The following ARHGAP26 variants were observed in gnomAD, a reference collection of about 807,000 sequenced individuals.
ARHGAP26 encodes the protein Rho GTPase activating protein 26.
In ARHGAP26, 38 loss-of-function variants were observed where a neutral mutation model predicts 104.8. The observed-to-expected ratio is 0.36, with a 90% CI of 0.28 to 0.48. The LOEUF (loss-of-function observed/expected upper bound fraction) is 0.48, where lower values mean the gene tolerates loss of function less well. ARHGAP26 is among the 20% of genes least tolerant of loss of function. The pLI is 0.99. For missense variants in ARHGAP26, 704 were observed against 947.9 expected (o/e 0.74, Z 3.38); for synonymous variants, 341 against 340.0 (o/e 1.00, Z -0.03).
intron 1 of ARHGAP26, among the ~76,000 whole-genome samples, chr5:142,807,726 C>T (rs1763253224): frequency 6.6e-6 from 1 of 152,150 alleles, no homozygotes; most frequent in South Asian, 2.1e-4. Context: ...GATGTGAGTG[C>T]CTGCCCTGGT....
chr5:143,183,126 C>A (rs1475632635), intron 20 of ARHGAP26, among the ~76,000 whole-genome samples: 1 of 150,088 alleles, frequency 6.7e-6, no homozygotes, highest in East Asian at 2.0e-4. Flanking sequence ...CTAGATAAGG[C>A]CTGTAGGGGA....
At chr5:143,187,048 A>T (rs150639553) in intron 20 of ARHGAP26, among the ~76,000 whole-genome samples, 26 of 152,334 alleles carry the variant, frequency 1.7e-4, no homozygotes, top group Non-Finnish European at 3.1e-4. Context: ...AGTAAACACT[A>T]TATGCCAGGC....
chr5:143,144,608 G>A (rs1798944513), intron 19 of ARHGAP26, among the ~76,000 whole-genome samples: 1 of 152,080 alleles, frequency 6.6e-6, no homozygotes, highest in Non-Finnish European at 1.5e-5. Flanking sequence ...GGGTCTCACT[G>A]TGTTTACCAG....
At chr5:143,125,205 C>T (rs1796586646) in intron 18 of ARHGAP26, among the ~76,000 whole-genome samples, 1 of 152,188 alleles carries the variant, frequency 6.6e-6, no homozygotes, top group Admixed American at 6.5e-5. Context: ...TTCTAACTAG[C>T]TAAGGCATAC....
chr5:143,183,456 A>C (rs768657364), intron 20 of ARHGAP26, among the ~76,000 whole-genome samples: 1 of 152,154 alleles, frequency 6.6e-6, no homozygotes, highest in Non-Finnish European at 1.5e-5. Context: ...AGCTCATCTC[A>C]GCTACTATTC....
At chr5:142,926,932 T>C (rs1183372786) in intron 10 of ARHGAP26, among the ~76,000 whole-genome samples, 9 of 152,154 alleles carry the variant, frequency 5.9e-5, no homozygotes. Context: ...CGCATACACT[T>C]CTCATATAAC....
At chr5:142,817,673 G>A (rs560979000) in intron 1 of ARHGAP26, among the ~76,000 whole-genome samples, 2 of 152,260 alleles carry the variant, frequency 1.3e-5, no homozygotes, top group African/African-American at 4.8e-5. Flanking sequence ...CTCATGAGGT[G>A]GTGTGGACAC....
At chr5:143,204,243 C>T (rs1471381158) in intron 20 of ARHGAP26, among the ~76,000 whole-genome samples, 1 of 152,146 alleles carries the variant, frequency 6.6e-6, no homozygotes, top group East Asian at 1.9e-4. Context: ...GCATTTGAGG[C>T]CAGGCATGGT....
chr5:143,134,492 G>A (rs1439277383), intron 19 of ARHGAP26, among the ~76,000 whole-genome samples: 1 of 152,102 alleles, frequency 6.6e-6, no homozygotes, highest in Non-Finnish European at 1.5e-5. Context: ...ACCCATTAGT[G>A]TGAGTCACAT....
At chr5:142,990,540 T>G (rs532497358) in intron 11 of ARHGAP26, among the ~76,000 whole-genome samples, 24 of 152,376 alleles carry the variant, frequency 1.6e-4, no homozygotes, top group Non-Finnish European at 3.4e-4. Context: ...AGAGATGCTC[T>G]GATTTTTAGA....
chr5:142,953,078 C>T (rs1768646134), intron 11 of ARHGAP26, among the ~76,000 whole-genome samples: 1 of 152,116 alleles, frequency 6.6e-6, no homozygotes, highest in African/African-American at 2.4e-5. Flanking sequence ...CTTATAACAC[C>T]TTGCACTAGC....
chr5:142,817,825 A>G (rs535185973), intron 1 of ARHGAP26, among the ~76,000 whole-genome samples: 9 of 152,288 alleles, frequency 5.9e-5, no homozygotes, highest in African/African-American at 2.2e-4. Flanking sequence ...GACCAGCCAT[A>G]CTAATGTTGA....
At chr5:142,843,489 G>T (rs1218096278) in intron 1 of ARHGAP26, among the ~76,000 whole-genome samples, 1 of 152,214 alleles carries the variant, frequency 6.6e-6, no homozygotes, top group Non-Finnish European at 1.5e-5. Flanking sequence ...CTTACTCCGT[G>T]CCAGACATGC....
intron 17 of ARHGAP26, among the ~76,000 whole-genome samples, chr5:143,069,768 C>G (rs532328471): frequency 3.3e-5 from 5 of 152,220 alleles, no homozygotes; most frequent in Non-Finnish European, 7.3e-5. Context: ...CAAATTTTAA[C>G]TCTGTGATGG....
rs553178266 is a variant in ARHGAP26, at chr5:143,222,754, G to T, written c.*308G>T. The T allele has an allele frequency of 9.7e-5, 26 of 267,580 alleles. No individual in the cohort carries two copies. Among genetic ancestry groups the T allele is most frequent in the Non-Finnish European group, 1.8e-4 (26 of 141,414 alleles). The allele number at this position is 267,580 out of a possible 1,614,324, so 16.6% of individuals were successfully genotyped here. A position where few individuals can be genotyped will look rare whatever the true frequency, so the allele number is the denominator to read the frequency against. On this transcript the variant is annotated 3_prime_UTR_variant, in exon 23 of 23. Transcript: ENST00000645722. ...AGGGGGCACTCATTTTGTTTCAACG[G>T]TCCAAACGCCCAACCTTCAGAAAGA... is the stretch of plus-strand genomic sequence containing the variant.
At chr5:143,104,454 T>C (rs1205342096) in intron 17 of ARHGAP26, among the ~76,000 whole-genome samples, 1 of 151,176 alleles carries the variant, frequency 6.6e-6, no homozygotes, top group African/African-American at 2.4e-5. Context: ...GAGGTTGCAG[T>C]GAGCCGAGAT....
Position 142,996,421 on chromosome 5 carries a change from A to G in ARHGAP26, c.1108-17659A>G, listed in dbSNP as rs1776399305. ...GGCAGGAGAATTGCTTGAACCTGGG[A>G]GGTGGAGGTTGCAGTGAGCCAAGAT... On this transcript the variant is annotated intron_variant, in intron 11 of 22. Transcript: ENST00000645722. Among the ~76,000 whole-genome samples the G allele has an allele frequency of 2.0e-5, 3 of 152,128 alleles. No individual in the cohort carries two copies. The South Asian group carries it at 6.2e-4, about 32-fold the overall frequency.
chr5:142,992,833 G>A lies in ARHGAP26; in HGVS notation c.1108-21247G>A, dbSNP rs568450957. Among the ~76,000 whole-genome samples, 23 of 152,336 alleles carry A rather than the reference G, an allele frequency of 1.5e-4. No individual in the cohort carries two copies. In the South Asian group the frequency reaches 4.6e-3, roughly 30 times the overall value. Reference sequence around the variant, plus strand: ...TTATTTTCATAGCTGACACTGCTGGGTTCTGTGCCTCGCCTGATGCGGACT... The same window carrying A: ...TTATTTTCATAGCTGACACTGCTGGATTCTGTGCCTCGCCTGATGCGGACT... On this transcript the variant is annotated intron_variant, in intron 11 of 22. Transcript: ENST00000645722.
At chr5:142,916,157 A>AT (rs1461238532) in intron 10 of ARHGAP26, among the ~76,000 whole-genome samples, 18 of 152,366 alleles carry the variant, frequency 1.2e-4, no homozygotes, top group African/African-American at 4.3e-4. Context: ...ACAAACATTT[A>AT]TGTAGTGACT....
Sources: allele counts gnomAD v4.1 joint callset (sites outside exome capture counted in the v4.1 genomes callset), GRCh38; gene constraint gnomAD v4.1.1; transcripts MANE v1.5; gene names NCBI Gene and HGNC (gene_info 2026-07-23, HGNC 2026-07-21).